PALM2AKAP2: variants seen among roughly 807,000 people sequenced by gnomAD.
PALM2AKAP2 encodes the protein PALM2-AKAP2 fusion protein.
PALM2AKAP2 carries 37 observed loss-of-function variants against 71.5 expected under a neutral mutation model. That is an observed-to-expected ratio of 0.52 (90% CI 0.40 to 0.68). The LOEUF (loss-of-function observed/expected upper bound fraction) is 0.68. Among genes scored for constraint, PALM2AKAP2 ranks in the 30% least tolerant of loss-of-function variants. PALM2AKAP2 has a pLI of 0.00. For missense variants in PALM2AKAP2, 1,224 were observed against 1,191.8 expected (o/e 1.03, Z -0.40); for synonymous variants, 468 against 478.8 (o/e 0.98, Z 0.29).
At chr9:109,724,339 T>C (rs1304977947) in intron 1 of PALM2AKAP2, among the ~76,000 whole-genome samples, 1 of 152,188 alleles carries the variant, frequency 6.6e-6, no homozygotes, top group Non-Finnish European at 1.5e-5. Flanking sequence ...TGTAATACAG[T>C]TTCAATTAAA....
At chr9:109,691,203 A>ACACACACG (rs1217257802) in intron 1 of PALM2AKAP2, among the ~76,000 whole-genome samples, 2 of 150,818 alleles carry the variant, frequency 1.3e-5, no homozygotes, top group African/African-American at 2.5e-5. Context: ...ACACACACAC[A>ACACACACG]CATGCACACA....
At chr9:110,061,589 A>T (rs1170283199) in intron 1 of PALM2AKAP2, among the ~76,000 whole-genome samples, 1 of 149,392 alleles carries the variant, frequency 6.7e-6, no homozygotes, top group East Asian at 1.9e-4. Context: ...ACAACCTTTG[A>T]TAGAGATACC....
chr9:109,890,485 T>C (rs1175056746), intron 3 of PALM2AKAP2, among the ~76,000 whole-genome samples: 1 of 152,228 alleles, frequency 6.6e-6, no homozygotes, highest in East Asian at 1.9e-4. Flanking sequence ...CCTTAGCCAA[T>C]GCATGCAAGG....
intron 1 of PALM2AKAP2, among the ~76,000 whole-genome samples, chr9:109,860,856 T>C (rs183168510): frequency 3.7e-4 from 57 of 152,340 alleles, no homozygotes; most frequent in Non-Finnish European, 7.1e-4. Context: ...AGGAATCCTC[T>C]GGCAAAAAGT....
chr9:109,910,262 G>C (rs1830538699), intron 3 of PALM2AKAP2, among the ~76,000 whole-genome samples: 1 of 152,170 alleles, frequency 6.6e-6, no homozygotes, highest in Non-Finnish European at 1.5e-5. Context: ...CTAGAGAATA[G>C]GGAGGAGCAG....
chr9:110,051,128 A>G (rs1336242103), intron 1 of PALM2AKAP2, among the ~76,000 whole-genome samples: 1 of 152,204 alleles, frequency 6.6e-6, no homozygotes, highest in Non-Finnish European at 1.5e-5. Context: ...TGCTAGGATG[A>G]GAGGAATAGC....
At chr9:110,100,588 G>C (rs1241786283) in intron 1 of PALM2AKAP2, among the ~76,000 whole-genome samples, 3 of 152,130 alleles carry the variant, frequency 2.0e-5, no homozygotes, top group African/African-American at 7.2e-5. Context: ...CAGATGGAAA[G>C]CTCCTTGTAT....
At chr9:109,695,430 G>T (rs1437067159) in intron 1 of PALM2AKAP2, among the ~76,000 whole-genome samples, 1 of 152,092 alleles carries the variant, frequency 6.6e-6, no homozygotes, top group East Asian at 1.9e-4. Context: ...ATATAAGCAT[G>T]CTCCTTTCTC....
chr9:109,999,405 C>T (rs1034891830), intron 6 of PALM2AKAP2, among the ~76,000 whole-genome samples: 7 of 152,052 alleles, frequency 4.6e-5, no homozygotes, highest in African/African-American at 1.2e-4. Flanking sequence ...AAAAAATGTG[C>T]TCAGGGTCTC....
chr9:109,954,511 G>T (rs887691149), intron 6 of PALM2AKAP2, among the ~76,000 whole-genome samples: 1 of 135,322 alleles, frequency 7.4e-6, no homozygotes, highest in Non-Finnish European at 1.6e-5. Flanking sequence ...ACTGTAGTGG[G>T]GTGGGGGGAG....
At chr9:109,892,101 A>G (rs1382930532) in intron 3 of PALM2AKAP2, among the ~76,000 whole-genome samples, 1 of 152,222 alleles carries the variant, frequency 6.6e-6, no homozygotes, top group Admixed American at 6.5e-5. Context: ...CTGATGTAAC[A>G]AATTTCTACA....
intron 1 of PALM2AKAP2, among the ~76,000 whole-genome samples, chr9:109,756,620 T>C (rs763551513): frequency 3.3e-5 from 5 of 152,198 alleles, no homozygotes; most frequent in African/African-American, 7.2e-5. Context: ...CTTAGCTCTC[T>C]AATCCATGTG....
rs950926281 is a variant in PALM2AKAP2, at chr9:109,657,319, TGAG to T, written c.5+16458_5+16460del. ...GAAATATCATGACTGATTGGTTTTTTGAGGAGGGAGAATGTTCACACTTTTCAA... is the reference window on the plus strand; with the variant it reads ...GAAATATCATGACTGATTGGTTTTTTGAGGGAGAATGTTCACACTTTTCAA... On this transcript the variant is annotated intron_variant, in intron 1 of 6. Transcript: ENST00000374531. Among the ~76,000 whole-genome samples, 7 of 152,360 alleles carry T rather than the reference TGAG, an allele frequency of 4.6e-5. No homozygotes were observed. The East Asian group carries it at 9.7e-4, about 21-fold the overall frequency.
chr9:110,004,295 G>A (rs1180536517), intron 6 of PALM2AKAP2, among the ~76,000 whole-genome samples: 5 of 152,144 alleles, frequency 3.3e-5, no homozygotes, highest in Non-Finnish European at 7.3e-5. Flanking sequence ...ATGAAGCTTA[G>A]TTTGGCTGGA....
intron 6 of PALM2AKAP2, chr9:109,943,285 G>A: frequency 1.9e-6 from 3 of 1,614,226 alleles, no homozygotes; most frequent in South Asian, 1.1e-5. Context: ...TGACGGGAAC[G>A]CGGCTGAGCT....
intron 1 of PALM2AKAP2, among the ~76,000 whole-genome samples, chr9:109,662,785 A>T (rs1310267033): frequency 6.6e-6 from 1 of 152,136 alleles, no homozygotes; most frequent in Non-Finnish European, 1.5e-5. Flanking sequence ...TCAGCTGTGA[A>T]TCTGTCTGGT....
chr9:110,157,668 G>A (rs1180674100), intron 3 of PALM2AKAP2, among the ~76,000 whole-genome samples: 1 of 152,092 alleles, frequency 6.6e-6, no homozygotes, highest in Non-Finnish European at 1.5e-5. Flanking sequence ...CTAAAGTGCT[G>A]GGATTACAGA....
At chr9:110,076,752 C>A (rs557656766) in intron 1 of PALM2AKAP2, among the ~76,000 whole-genome samples, 2 of 152,032 alleles carry the variant, frequency 1.3e-5, no homozygotes, top group African/African-American at 4.8e-5. Flanking sequence ...ATATGGAAGA[C>A]CAGCTAGACA....
At chr9:109,811,465 T>C (rs149417189) in intron 1 of PALM2AKAP2, among the ~76,000 whole-genome samples, 3 of 152,280 alleles carry the variant, frequency 2.0e-5, no homozygotes, top group African/African-American at 7.2e-5. Flanking sequence ...ACATTTCTAA[T>C]GCATGGTGGA....
Sources: gnomAD v4.1 joint callset for allele counts (sites outside exome capture counted in the v4.1 genomes callset) on GRCh38, gnomAD v4.1.1 for gene constraint, MANE v1.5 for transcripts, NCBI Gene and HGNC (gene_info 2026-07-23, HGNC 2026-07-21) for gene names.